CCKBR: variants seen among roughly 807,000 people sequenced by gnomAD.
CCKBR encodes the protein gastrin/cholecystokinin type B receptor.
In CCKBR, 33 loss-of-function variants were observed where a neutral mutation model predicts 34.6. The ratio of observed to expected loss-of-function variants is 0.95; its 90% CI spans 0.72 to 1.27. CCKBR has a LOEUF of 1.27. Among genes scored for constraint, CCKBR ranks in the 50% most tolerant of loss-of-function variants. The pLI, the probability that CCKBR is intolerant of heterozygous loss-of-function variation, is 0.00. For synonymous variants in CCKBR, 269 were observed against 267.5 expected (o/e 1.01, Z -0.06); for missense variants, 652 against 617.4 (o/e 1.06, Z -0.59).
Position 6,259,989 on chromosome 11 carries a change from C to G in CCKBR, c.61C>G (p.Leu21Val). ...AACCGGACCCGGGCCGGGGGCTTCCCTGTGCCGCCCGGGGGCGCCTCTCCT... is the reference window on the plus strand; with the variant it reads ...AACCGGACCCGGGCCGGGGGCTTCCGTGTGCCGCCCGGGGGCGCCTCTCCT... ...QGTGPGPGAS[L>V]CRPGAPLLNS... The change falls in exon 1 of 5, where the codon CTG becomes GTG. Residue 21 changes from leucine (L) to valine (V), a missense_variant. Leu to Val is a conservative substitution (Grantham distance 32, BLOSUM62 1). Coordinates refer to ENST00000334619, the MANE Select transcript of CCKBR (RefSeq NM_176875.4). The G allele has an allele frequency of 6.3e-7, 1 of 1,580,064 alleles. No individual in the cohort carries two copies. The highest frequency in any genetic ancestry group is 8.6e-7 in the Non-Finnish European group (1 of 1,165,424).
intron 1 of CCKBR, among the ~76,000 whole-genome samples, chr11:6,266,852 A>C (rs1848216940): frequency 6.6e-6 from 1 of 152,222 alleles, no homozygotes; most frequent in African/African-American, 2.4e-5. Context: ...CAAACCTAGA[A>C]GGTATAGCCT....
chr11:6,270,353 A>G lies in CCKBR; in HGVS notation c.653+16A>G. 2 of 1,605,570 alleles carry G rather than the reference A, an allele frequency of 1.2e-6. No individual in the cohort carries two copies. Among genetic ancestry groups the G allele is most frequent in the Non-Finnish European group, 1.7e-6 (2 of 1,175,004 alleles). ...GCCAGACCTGGTGAGCTTGCCCATA[A>G]ACTATCCTAGGAATTCCTTTCTCAC... is the stretch of plus-strand genomic sequence containing the variant. On this transcript the variant is annotated intron_variant, in intron 3 of 4. Transcript: ENST00000334619.
At chr11:6,263,524 C>T (rs774642036) in intron 1 of CCKBR, among the ~76,000 whole-genome samples, 3 of 147,672 alleles carry the variant, frequency 2.0e-5, no homozygotes, top group Non-Finnish European at 4.4e-5. Context: ...GGCTGGGGTG[C>T]AGTAGCATGA....
intron 1 of CCKBR, chr11:6,264,439 G>A: frequency 3.2e-6 from 2 of 624,414 alleles, no homozygotes; most frequent in Non-Finnish European, 5.8e-6. Context: ...ACGTTGTCTG[G>A]ATTTTTGCAC....
intron 1 of CCKBR, among the ~76,000 whole-genome samples, chr11:6,264,918 C>CA (rs1458290539): frequency 6.6e-6 from 1 of 152,198 alleles, no homozygotes; most frequent in Non-Finnish European, 1.5e-5. Flanking sequence ...ACATGTGTCA[C>CA]AATTTATGAG....
chr11:6,270,317 T>G lies in CCKBR; in HGVS notation c.633T>G (p.Ser211Arg). The change falls in exon 3 of 5, where the codon AGT becomes AGG. Residue 211 changes from serine (S) to arginine (R), a missense_variant. Transcript: ENST00000334619. ...RVLQCVHRWP[S>R]ARVRQTWSVL... Reference sequence around the variant, plus strand: ...TGCAGTGCGTGCATCGCTGGCCCAGTGCGCGGGTCCGCCAGACCTGGTGAG... The same window carrying G: ...TGCAGTGCGTGCATCGCTGGCCCAGGGCGCGGGTCCGCCAGACCTGGTGAG... 6.2e-7 allele frequency: 1 copy of G among 1,612,754 alleles called. No homozygotes were observed. Among genetic ancestry groups the G allele is most frequent in the Non-Finnish European group, 8.5e-7 (1 of 1,179,640 alleles).
chr11:6,269,948 C>T (rs199733398), intron 2 of CCKBR, 28 bp downstream of exon 2: 1 of 1,612,114 alleles, frequency 6.2e-7, no homozygotes, highest in Non-Finnish European at 8.5e-7. Context: ...CCCACCCCCA[C>T]TTGCCACTCT....
rs1837164765 is a variant in CCKBR, at chr11:6,269,939, C to T, written c.403+19C>T. 1 of 1,612,566 alleles carries T rather than the reference C, an allele frequency of 6.2e-7. No homozygotes were observed. The highest frequency in any genetic ancestry group is 8.5e-7 in the Non-Finnish European group (1 of 1,178,804). On this transcript the variant is annotated intron_variant, in intron 2 of 4. Coordinates refer to ENST00000334619, the MANE Select transcript of CCKBR (RefSeq NM_176875.4). ...CTCATGGGTGGGTGAGACAACCACCCCACCCCCACTTGCCACTCTCCCCGC... is the reference window on the plus strand; with the variant it reads ...CTCATGGGTGGGTGAGACAACCACCTCACCCCCACTTGCCACTCTCCCCGC...
chr11:6,270,337 G>T lies in CCKBR; in HGVS notation c.653G>T (p.Trp218Leu). 1 of 1,609,610 alleles carries T rather than the reference G, an allele frequency of 6.2e-7. No individual in the cohort carries two copies. The change falls in exon 3 of 5, where the codon TGG (tryptophan) becomes TTG (leucine). Residue 218 changes from tryptophan to leucine, a missense_variant and splice_region_variant. By Grantham distance (61) the Trp-to-Leu change is moderately conservative. Transcript: ENST00000334619. Reference protein sequence around the residue: ...RWPSARVRQTWSVLLLLLLFF... With the variant: ...RWPSARVRQTLSVLLLLLLFF... ...CCCAGTGCGCGGGTCCGCCAGACCT[G>T]GTGAGCTTGCCCATAAACTATCCTA...
At chr11:6,260,622 G>A (rs1165990544) in intron 1 of CCKBR, among the ~76,000 whole-genome samples, 1 of 152,208 alleles carries the variant, frequency 6.6e-6, no homozygotes, top group African/African-American at 2.4e-5. Flanking sequence ...AATTAGGCTG[G>A]ACACTAGGGG....
chr11:6,270,783 GAAACC>G lies in CCKBR; in HGVS notation c.794_798del (p.Asn265ArgfsTer16). On this transcript the variant is annotated frameshift_variant, in exon 4 of 5. Transcript: ENST00000334619. LOFTEE classifies it low-confidence loss of function (END_TRUNC). ...GACAGCGACAGCCAAAGCAGGGTCCGAAACCAAGGCGGGCTGCCAGGTGGGGCTGG... is the reference window on the plus strand; with the variant it reads ...GACAGCGACAGCCAAAGCAGGGTCCGAAGGCGGGCTGCCAGGTGGGGCTGG... The G allele has an allele frequency of 6.2e-7, 1 of 1,614,170 alleles. No individual in the cohort carries two copies. Among genetic ancestry groups the G allele is most frequent in the East Asian group, 2.2e-5 (1 of 44,878 alleles).
Position 6,259,977 on chromosome 11 carries a change from C to T in CCKBR, c.49C>T (p.Pro17Ser). 6.4e-7 allele frequency: 1 copy of T among 1,561,202 alleles called. No homozygotes were observed. The highest frequency in any genetic ancestry group is 8.6e-7 in the Non-Finnish European group (1 of 1,157,456). ...NRSVQGTGPG[P>S]GASLCRPGAP... Reference sequence around the variant, plus strand: ...GAGCGTGCAGGGAACCGGACCCGGGCCGGGGGCTTCCCTGTGCCGCCCGGG... The same window carrying T: ...GAGCGTGCAGGGAACCGGACCCGGGTCGGGGGCTTCCCTGTGCCGCCCGGG... The change falls in exon 1 of 5, where the codon CCG becomes TCG. Residue 17 changes from proline to serine, a missense_variant. Coordinates refer to ENST00000334619, the MANE Select transcript of CCKBR (RefSeq NM_176875.4).
At chr11:6,269,137 G>A (rs374724245) in intron 1 of CCKBR, among the ~76,000 whole-genome samples, 8 of 53,366 alleles carry the variant, frequency 1.5e-4, no homozygotes, top group African/African-American at 3.0e-4. Context: ...AGACAGTAGA[G>A]AGTAAGTGAA....
chr11:6,264,697 A>G, intron 1 of CCKBR: 1 of 579,662 alleles, frequency 1.7e-6, no homozygotes, highest in South Asian at 2.2e-5. Context: ...GTCATCACTC[A>G]TATTCCACCA....
rs199959078 is a variant in CCKBR, at chr11:6,271,662, C to T, written c.*119C>T. 7.0e-6 allele frequency: 7 copies of T among 999,362 alleles called. No homozygotes were observed. In the Admixed American group the frequency reaches 1.5e-4, roughly 21 times the overall value. The allele number at this position is 999,362 out of a possible 1,614,324, so 61.9% of individuals were successfully genotyped here. ...CCAACACCCAAAGCATGGACTAACC[C>T]CAACGCACAGGAAAAGGTAGCTTAC... On this transcript the variant is annotated 3_prime_UTR_variant, in exon 5 of 5. Coordinates refer to ENST00000334619, the MANE Select transcript of CCKBR (RefSeq NM_176875.4).
Position 6,271,120 on chromosome 11 carries a change from G to A in CCKBR, c.921G>A (p.Thr307=). The A allele has an allele frequency of 1.2e-6, 2 of 1,614,000 alleles. No homozygotes were observed. Among genetic ancestry groups the A allele is most frequent in the South Asian group, 1.1e-5 (1 of 91,056 alleles). The change falls in exon 5 of 5, where the codon ACG becomes ACA. Residue 307 remains threonine, a synonymous_variant. Coordinates refer to ENST00000334619, the MANE Select transcript of CCKBR (RefSeq NM_176875.4). ...LPRSRPALEL[T]ALTAPGPGSG... ...GTTCCCGGCCTGCCCTGGAGCTGAC[G>A]GCGCTGACGGCTCCTGGGCCGGGAT... is the stretch of plus-strand genomic sequence containing the variant.
chr11:6,271,863 C>A lies in CCKBR; in HGVS notation c.*320C>A. The A allele has an allele frequency of 3.0e-6, 1 of 333,112 alleles. No individual in the cohort carries two copies. Among genetic ancestry groups the A allele is most frequent in the Non-Finnish European group, 5.5e-6 (1 of 182,136 alleles). The allele number at this position is 333,112 out of a possible 1,614,324, so 20.6% of individuals were successfully genotyped here. A position where few individuals can be genotyped will look rare whatever the true frequency, so the allele number is the denominator to read the frequency against. On this transcript the variant is annotated 3_prime_UTR_variant, in exon 5 of 5. Coordinates refer to ENST00000334619, the MANE Select transcript of CCKBR (RefSeq NM_176875.4). ...GACAAGGGCTGACCTGCCTCTCACA[C>A]ACATAGATTAATGGCACTGATTGTT... is the stretch of plus-strand genomic sequence containing the variant.
At chr11:6,270,022 G>A (rs199737121) in intron 2 of CCKBR, 66 bp from the exon 3 acceptor site, 69 of 1,588,512 alleles carry the variant, frequency 4.3e-5, no homozygotes, top group Non-Finnish European at 5.9e-5. Context: ...GTGTGAGGAA[G>A]TCCCACTGAT....
At chr11:6,262,088 A>C (rs558183148) in intron 1 of CCKBR, among the ~76,000 whole-genome samples, 1 of 152,346 alleles carries the variant, frequency 6.6e-6, no homozygotes, top group South Asian at 2.1e-4. Context: ...AAAACAGCAG[A>C]AACAGGTTTG....
Sources: gnomAD v4.1 joint callset for allele counts (sites outside exome capture counted in the v4.1 genomes callset) on GRCh38, gnomAD v4.1.1 for gene constraint, MANE v1.5 for transcripts, NCBI Gene and HGNC (gene_info 2026-07-23, HGNC 2026-07-21) for gene names.